Variants in GRIK2 observed in about 807,000 individuals in gnomAD.
GRIK2 encodes glutamate receptor ionotropic, kainate 2.
A neutral mutation model predicts 100.3 loss-of-function variants in GRIK2; 32 were observed. The ratio of observed to expected loss-of-function variants is 0.32; its 90% CI spans 0.24 to 0.43. The LOEUF (loss-of-function observed/expected upper bound fraction) is 0.43, where lower values mean the gene tolerates loss of function less well. Ranked by LOEUF, GRIK2 falls within the 20% of genes least tolerant of loss-of-function variation. The probability of loss-of-function intolerance (pLI) is 1.00; values close to 1 mark genes in which losing one functional copy is unlikely to be tolerated. For missense variants in GRIK2, 843 were observed against 1,114.9 expected (o/e 0.76, Z 3.47); for synonymous variants, 417 against 389.4 (o/e 1.07, Z -0.83).
intron 2 of GRIK2, among the ~76,000 whole-genome samples, chr6:101,561,846 G>C (rs769362988): frequency 6.6e-6 from 1 of 152,150 alleles, no homozygotes; most frequent in Non-Finnish European, 1.5e-5. Flanking sequence ...TTTGGGTCAT[G>C]TAGTTTCCAG....
At chr6:102,017,234 AT>A (rs1334841101) in intron 14 of GRIK2, among the ~76,000 whole-genome samples, 5 of 152,156 alleles carry the variant, frequency 3.3e-5, no homozygotes, top group Non-Finnish European at 7.4e-5. Context: ...CATGATGACA[AT>A]AAAACCACCA....
At chr6:101,724,170 G>A (rs1294161972) in intron 7 of GRIK2, among the ~76,000 whole-genome samples, 1 of 124,936 alleles carries the variant, frequency 8.0e-6, no homozygotes, top group African/African-American at 3.6e-5. Context: ...CTTGCCTTAG[G>A]TATAGTCTTT....
intron 3 of GRIK2, among the ~76,000 whole-genome samples, chr6:101,624,326 T>C (rs1780323067): frequency 6.6e-6 from 1 of 152,142 alleles, no homozygotes; most frequent in South Asian, 2.1e-4. Context: ...TATATATGAA[T>C]TAAAATCTCA....
chr6:102,055,012 C>T (rs1478968260), intron 15 of GRIK2, among the ~76,000 whole-genome samples: 1 of 152,126 alleles, frequency 6.6e-6, no homozygotes, highest in East Asian at 1.9e-4. Context: ...ATGAATGAAA[C>T]ATCTTTGCAC....
At chr6:101,511,982 A>G (rs1432072722) in intron 2 of GRIK2, among the ~76,000 whole-genome samples, 1 of 151,946 alleles carries the variant, frequency 6.6e-6, no homozygotes, top group Non-Finnish European at 1.5e-5. Flanking sequence ...GTTGGTCTCC[A>G]GAAGTATCAT....
At chr6:101,582,362 G>C (rs768018391) in intron 2 of GRIK2, among the ~76,000 whole-genome samples, 2 of 152,026 alleles carry the variant, frequency 1.3e-5, no homozygotes, top group African/African-American at 2.4e-5. Context: ...TGAGAATGAT[G>C]GTTTCCCAAC....
At chr6:101,771,221 T>A (rs1778381532) in intron 7 of GRIK2, among the ~76,000 whole-genome samples, 1 of 150,396 alleles carries the variant, frequency 6.6e-6, no homozygotes, top group African/African-American at 2.5e-5. Flanking sequence ...ATATTAGTTA[T>A]CTTTCTTTTT....
At chr6:102,012,252 A>G (rs936795274) in intron 14 of GRIK2, among the ~76,000 whole-genome samples, 2 of 152,170 alleles carry the variant, frequency 1.3e-5, no homozygotes, top group African/African-American at 4.8e-5. Flanking sequence ...CTGTAACTTT[A>G]CAGTAAGTGT....
At chr6:101,416,322 A>AGCTGGTCTGAG (rs1188981271) in intron 2 of GRIK2, among the ~76,000 whole-genome samples, 3 of 152,164 alleles carry the variant, frequency 2.0e-5, no homozygotes, top group African/African-American at 7.2e-5. Flanking sequence ...GAGAAGAAGG[A>AGCTGGTCTGAG]GCTGGTCTGA....
intron 7 of GRIK2, among the ~76,000 whole-genome samples, chr6:101,785,944 A>G (rs1169499815): frequency 1.3e-5 from 2 of 152,036 alleles, no homozygotes; most frequent in East Asian, 3.9e-4. Flanking sequence ...AATCCTTCCT[A>G]TACATGAGCA....
At position 101,488,770 on chromosome 6, in the gene GRIK2, G is replaced by GT. The variant is rs529863180; in HGVS notation, c.115+89386dup. Among the ~76,000 whole-genome samples, 160 of 145,452 alleles carry GT rather than the reference G, an allele frequency of 1.1e-3. 14 individuals carry two copies. The highest frequency in any genetic ancestry group is 7.5e-3 in the South Asian group (35 of 4,638). On this transcript the variant is annotated intron_variant, in intron 2 of 16. Coordinates refer to ENST00000369134, the MANE Select transcript of GRIK2 (RefSeq NM_021956.5). Reference sequence around the variant, plus strand: ...TTAATGCTTCTATTTAATTTTCAAAGTTTTTTTTGTTATTGCATTTCTGAT... The same window carrying GT: ...TTAATGCTTCTATTTAATTTTCAAAGTTTTTTTTTGTTATTGCATTTCTGAT...
chr6:101,697,451 A>G (rs932819219), intron 7 of GRIK2, among the ~76,000 whole-genome samples: 1 of 149,472 alleles, frequency 6.7e-6, no homozygotes, highest in African/African-American at 2.4e-5. Flanking sequence ...CTTCTTTTTA[A>G]AATGAGCCCA....
intron 2 of GRIK2, among the ~76,000 whole-genome samples, chr6:101,585,075 A>G (rs147140446): frequency 3.0e-3 from 455 of 152,154 alleles, no homozygotes; most frequent in Middle Eastern, 6.8e-3. Context: ...TTTCTCAGCT[A>G]TATGAATAAT....
intron 4 of GRIK2, among the ~76,000 whole-genome samples, chr6:101,644,640 C>G (rs1781437051): frequency 6.6e-6 from 1 of 151,646 alleles, no homozygotes. Flanking sequence ...TGCTGCTTAC[C>G]AAGAATCAAT....
chr6:101,905,459 A>G (rs186149297), intron 12 of GRIK2, among the ~76,000 whole-genome samples: 2 of 151,666 alleles, frequency 1.3e-5, no homozygotes, highest in African/African-American at 2.4e-5. Flanking sequence ...TCTTTCTCAA[A>G]TTTGACCAAG....
At chr6:101,581,951 C>T (rs1778119607) in intron 2 of GRIK2, among the ~76,000 whole-genome samples, 1 of 152,012 alleles carries the variant, frequency 6.6e-6, no homozygotes, top group Non-Finnish European at 1.5e-5. Flanking sequence ...TAATAATCCC[C>T]ACATGTCAAG....
intron 11 of GRIK2, among the ~76,000 whole-genome samples, chr6:101,875,921 C>T (rs1785800306): frequency 6.6e-6 from 1 of 151,618 alleles, no homozygotes; most frequent in Admixed American, 6.6e-5. Context: ...GCTTTACTTG[C>T]CATTTATTAT....
intron 2 of GRIK2, among the ~76,000 whole-genome samples, chr6:101,552,730 A>G (rs956496289): frequency 2.0e-5 from 3 of 152,146 alleles, no homozygotes; most frequent in Admixed American, 6.5e-5. Flanking sequence ...GCACCTGAGA[A>G]TTGGCAAGGT....
intron 11 of GRIK2, among the ~76,000 whole-genome samples, chr6:101,875,434 T>G (rs1785757262): frequency 6.6e-6 from 1 of 151,880 alleles, no homozygotes; most frequent in African/African-American, 2.4e-5. Flanking sequence ...TTTTGCTTGG[T>G]AGACCATCAT....
Sources: gnomAD v4.1 joint callset for allele counts (sites outside exome capture counted in the v4.1 genomes callset) on GRCh38, gnomAD v4.1.1 for gene constraint, MANE v1.5 for transcripts, NCBI Gene and HGNC (gene_info 2026-07-23, HGNC 2026-07-21) for gene names.